The following SPSB1 variants were observed in gnomAD, a reference collection of about 807,000 sequenced individuals.
SPSB1 encodes the protein SPRY domain-containing SOCS box protein 1.
In SPSB1, 8 loss-of-function variants were observed where a neutral mutation model predicts 21.2. That is an observed-to-expected ratio of 0.38 (90% CI 0.22 to 0.68). SPSB1 has a LOEUF of 0.68. SPSB1 is among the 30% of genes least tolerant of loss of function. The probability of loss-of-function intolerance (pLI) is 0.53; values close to 1 mark genes in which losing one functional copy is unlikely to be tolerated. For missense variants in SPSB1, 242 were observed against 377.8 expected (o/e 0.64, Z 2.98); for synonymous variants, 169 against 161.7 (o/e 1.05, Z -0.34).
rs942160334 is a variant in SPSB1, at chr1:9,311,147, C to T, written c.-150+18076C>T. ...GCCACTCTCAGGGGTGTCTAGACAG[C>T]GCAGGATAAAGGGTTTTTTTTTTTT... On this transcript the variant is annotated intron_variant, in intron 1 of 2. Transcript: ENST00000328089. 3.2e-4 allele frequency among the ~76,000 whole-genome samples: 45 copies of T among 138,690 alleles called. 1 individual carries two copies. Among genetic ancestry groups the T allele is most frequent in the Admixed American group, 1.6e-3 (22 of 13,340 alleles). The allele number at this position is 138,690 out of a possible 152,430, so 91.0% of individuals were successfully genotyped here. A position where few individuals can be genotyped will look rare whatever the true frequency, so the allele number is the denominator to read the frequency against.
In SPSB1 at chr1:9,367,695, C is replaced by T. The variant is rs1640601815; in HGVS notation, c.*120C>T. On this transcript the variant is annotated 3_prime_UTR_variant, in exon 3 of 3. Coordinates refer to ENST00000328089, the MANE Select transcript of SPSB1 (RefSeq NM_025106.4). This position sits in a 1 kb window ranked among gnomAD's most constrained non-coding sequence, Gnocchi z 5.9. The stretch of plus-strand genomic sequence containing the variant: ...CATCCGTAGCCATGGACAGAGGTCC[C>T]TGGTCTTCCCTCATCCTCCGTGGCT... The T allele has an allele frequency of 4.3e-6, 6 of 1,398,184 alleles. No individual in the cohort carries two copies. In the South Asian group the frequency reaches 8.7e-5, roughly 20 times the overall value. The allele number at this position is 1,398,184 out of a possible 1,614,324, so 86.6% of individuals were successfully genotyped here.
intron 1 of SPSB1, among the ~76,000 whole-genome samples, chr1:9,300,671 T>C (rs1442113053): frequency 6.6e-6 from 1 of 152,214 alleles, no homozygotes; most frequent in Non-Finnish European, 1.5e-5. Flanking sequence ...TTATCTATGA[T>C]CTGACCGACC....
chr1:9,313,535 G>A (rs1639560138), intron 1 of SPSB1, among the ~76,000 whole-genome samples: 1 of 152,226 alleles, frequency 6.6e-6, no homozygotes, highest in South Asian at 2.1e-4. Context: ...AGTGGGAACA[G>A]GCACCTGATC....
At chr1:9,319,573 G>A (rs1639674689) in intron 1 of SPSB1, among the ~76,000 whole-genome samples, 1 of 152,156 alleles carries the variant, frequency 6.6e-6, no homozygotes, top group South Asian at 2.1e-4. Flanking sequence ...GAGCGCTTGG[G>A]TCAGGCCCTC....
At chr1:9,335,167 A>ATT (rs1639985157) in intron 1 of SPSB1, among the ~76,000 whole-genome samples, 1 of 152,004 alleles carries the variant, frequency 6.6e-6, no homozygotes, top group Non-Finnish European at 1.5e-5. Flanking sequence ...AAAATGGTGC[A>ATT]TTTTCATTGG....
intron 2 of SPSB1, among the ~76,000 whole-genome samples, chr1:9,364,674 C>T (rs538536323): frequency 6.6e-6 from 1 of 152,334 alleles, no homozygotes; most frequent in East Asian, 1.9e-4. Context: ...AAGCTGGCCA[C>T]GAAAGGCCCC....
Position 9,361,160 on chromosome 1 carries a change from T to TTTTTTTTTCTTTTTTTTC in SPSB1, c.694+4583_694+4584insCTTTTTTTTCTTTTTTTT, listed in dbSNP as rs1557467296. ...CATGGCTGGATCTGTCATTTTCTTT[T>TTTTTTTTTCTTTTTTTTC]TTTTTTTTTTTTTTTTTTTTTTTAG... On this transcript the variant is annotated intron_variant, in intron 2 of 2. Transcript: ENST00000328089. Among the ~76,000 whole-genome samples, 21 of 110,944 alleles carry TTTTTTTTTCTTTTTTTTC rather than the reference T, an allele frequency of 1.9e-4. 1 individual carries two copies. Among genetic ancestry groups the TTTTTTTTTCTTTTTTTTC allele is most frequent in the African/African-American group, 7.3e-4 (20 of 27,448 alleles). The allele number at this position is 110,944 out of a possible 152,430, so 72.8% of individuals were successfully genotyped here. A position where few individuals can be genotyped will look rare whatever the true frequency, so the allele number is the denominator to read the frequency against.
In SPSB1 at chr1:9,367,649, G is replaced by T; in HGVS notation, c.*74G>T. 1.3e-6 allele frequency: 2 copies of T among 1,500,784 alleles called. No individual in the cohort carries two copies. The highest frequency in any genetic ancestry group is 1.3e-5 in the South Asian group (1 of 77,496). 93.0% of individuals were successfully genotyped at this position (1,500,784 alleles called of 1,614,324 possible). ...TGAGCCGCCTGCCGCTGGGGCCGCC[G>T]CACCCTGCACCTTGGACCGGCATCC... On this transcript the variant is annotated 3_prime_UTR_variant, in exon 3 of 3. Transcript: ENST00000328089. This position sits in a 1 kb window ranked among gnomAD's most constrained non-coding sequence, Gnocchi z 5.9.
chr1:9,354,432 C>T (rs965067245), intron 1 of SPSB1, among the ~76,000 whole-genome samples: 1 of 152,108 alleles, frequency 6.6e-6, no homozygotes, highest in African/African-American at 2.4e-5. Context: ...AACCAGGCTG[C>T]CCTCCTTGGC....
chr1:9,353,865 A>C (rs970735460), intron 1 of SPSB1, among the ~76,000 whole-genome samples: 2 of 151,554 alleles, frequency 1.3e-5, no homozygotes, highest in African/African-American at 4.9e-5. Flanking sequence ...TTGCAGTGAG[A>C]CGAGATAGCG....
At chr1:9,341,057 C>T (rs1448071645) in intron 1 of SPSB1, among the ~76,000 whole-genome samples, 1 of 152,196 alleles carries the variant, frequency 6.6e-6, no homozygotes, top group African/African-American at 2.4e-5. Flanking sequence ...CTGGACTAGC[C>T]CATTCAATGG....
intron 2 of SPSB1, among the ~76,000 whole-genome samples, chr1:9,357,188 G>A (rs1298675516): frequency 2.0e-5 from 3 of 150,274 alleles, no homozygotes; most frequent in African/African-American, 7.4e-5. Flanking sequence ...TGGATGAGTG[G>A]ATGGATGGAT....
At position 9,324,672 on chromosome 1, in the gene SPSB1, G is replaced by A. The variant is rs764780961; in HGVS notation, c.-149-31071G>A. On this transcript the variant is annotated intron_variant, in intron 1 of 2. Transcript: ENST00000328089. The surrounding 1 kb of genome is among the most constrained non-coding windows in gnomAD (Gnocchi z 4.3). ...CTTGTTCCTATAAAGGGCACTTTGTGTGTGGCTCCTGGCAGGAGGCAGCGG... is the reference window on the plus strand; with the variant it reads ...CTTGTTCCTATAAAGGGCACTTTGTATGTGGCTCCTGGCAGGAGGCAGCGG... Among the ~76,000 whole-genome samples, 16 of 152,192 alleles carry A rather than the reference G, an allele frequency of 1.1e-4. No homozygotes were observed. Among genetic ancestry groups the A allele is most frequent in the Non-Finnish European group, 1.2e-4 (8 of 68,032 alleles).
intron 1 of SPSB1, among the ~76,000 whole-genome samples, chr1:9,318,231 G>A (rs1361386952): frequency 6.6e-6 from 1 of 152,220 alleles, no homozygotes; most frequent in South Asian, 2.1e-4. Context: ...CCTCCACCAC[G>A]AATGCAGCCG....
intron 1 of SPSB1, among the ~76,000 whole-genome samples, chr1:9,316,385 C>G (rs1409841388): frequency 6.6e-6 from 1 of 152,134 alleles, no homozygotes; most frequent in Non-Finnish European, 1.5e-5. Context: ...GGCATGTGTG[C>G]ACGTGTATTT....
intron 1 of SPSB1, among the ~76,000 whole-genome samples, chr1:9,311,242 T>C (rs1639515557): frequency 6.6e-6 from 1 of 151,362 alleles, no homozygotes. Flanking sequence ...TCACAGTGCC[T>C]ATGCTGAGAG....
Position 9,356,565 on chromosome 1 carries a change from G to A in SPSB1, c.674G>A (p.Arg225His), listed in dbSNP as rs769849881. 1.1e-5 allele frequency: 18 copies of A among 1,598,876 alleles called. No homozygotes were observed. Among genetic ancestry groups the A allele is most frequent in the Non-Finnish European group, 1.5e-5 (17 of 1,168,688 alleles). The change falls in exon 2 of 3, where the codon CGC becomes CAC. Residue 225 changes from arginine (R) to histidine (H), a missense_variant. Coordinates refer to ENST00000328089, the MANE Select transcript of SPSB1 (RefSeq NM_025106.4). The surrounding 1 kb of genome is among the most constrained non-coding windows in gnomAD (Gnocchi z 7.4). Reference sequence around the variant, plus strand: ...TGGGGCCACTGTGAGATCCGAATGCGCTACTTGAACGGACTCGATCGTAAG... The same window carrying A: ...TGGGGCCACTGTGAGATCCGAATGCACTACTTGAACGGACTCGATCGTAAG... ...AVWGHCEIRMRYLNGLDPEPL... is the reference protein window; with the variant it reads ...AVWGHCEIRMHYLNGLDPEPL...
chr1:9,328,383 C>T (rs1428651125), intron 1 of SPSB1, among the ~76,000 whole-genome samples: 1 of 152,184 alleles, frequency 6.6e-6, no homozygotes, highest in Non-Finnish European at 1.5e-5. Context: ...TTCTGTCCTG[C>T]GGGACTTCTC....
chr1:9,315,517 G>A (rs9729583), intron 1 of SPSB1, among the ~76,000 whole-genome samples: 10,925 of 152,260 alleles, frequency 0.072, 1,115 homozygotes, highest in African/African-American at 0.23. Flanking sequence ...GTCACATGAC[G>A]GGGTGGGAGC....
Sources: allele counts gnomAD v4.1 joint callset (sites outside exome capture counted in the v4.1 genomes callset), GRCh38; gene constraint gnomAD v4.1.1; non-coding constraint Gnocchi (gnomAD v3.1); transcripts MANE v1.5; gene names NCBI Gene and HGNC (gene_info 2026-07-23, HGNC 2026-07-21).